The following RBM20 variants were observed in gnomAD, a reference collection of about 807,000 sequenced individuals.
RBM20 encodes RNA-binding protein 20.
A neutral mutation model predicts 110.1 loss-of-function variants in RBM20; 51 were observed. That is an observed-to-expected ratio of 0.46 (90% CI 0.37 to 0.59). RBM20 has a LOEUF of 0.59. Among genes scored for constraint, RBM20 ranks in the 20% least tolerant of loss-of-function variants. The probability of loss-of-function intolerance (pLI) is 0.00; values close to 1 mark genes in which losing one functional copy is unlikely to be tolerated. For synonymous variants in RBM20, 589 were observed against 618.2 expected, an observed-to-expected ratio of 0.95 and a Z score of 0.70; for missense variants, 1,512 against 1,574.9, an observed-to-expected ratio of 0.96 and a Z score of 0.68.
intron 1 of RBM20, among the ~76,000 whole-genome samples, chr10:110,724,433 C>T (rs1417337774): frequency 3.3e-5 from 5 of 152,160 alleles, no homozygotes; most frequent in African/African-American, 1.2e-4. Context: ...AAGATGTTTC[C>T]TGGGGCCTCA....
At chr10:110,811,214 C>T (rs1844763637) in intron 8 of RBM20, among the ~76,000 whole-genome samples, 1 of 152,120 alleles carries the variant, frequency 6.6e-6, no homozygotes, top group South Asian at 2.1e-4. Flanking sequence ...GTGTTTCCCC[C>T]ATGATGGTCA....
intron 5 of RBM20, among the ~76,000 whole-genome samples, chr10:110,789,684 A>C (rs1844461121): frequency 6.6e-6 from 1 of 152,050 alleles, no homozygotes; most frequent in East Asian, 1.9e-4. Context: ...TTTGACAGAG[A>C]CGGGACACTG....
At chr10:110,833,594 C>G (rs1266512009) in intron 13 of RBM20, among the ~76,000 whole-genome samples, 1 of 152,086 alleles carries the variant, frequency 6.6e-6, no homozygotes, top group South Asian at 2.1e-4. Flanking sequence ...TCAAGGTCAC[C>G]TCGGAAGTTA....
intron 1 of RBM20, among the ~76,000 whole-genome samples, chr10:110,779,225 C>T (rs1844305979): frequency 6.6e-6 from 1 of 152,164 alleles, no homozygotes; most frequent in South Asian, 2.1e-4. Flanking sequence ...GGACTTTCAG[C>T]CTCACCCCTA....
chr10:110,659,813 T>TC, intron 1 of RBM20, among the ~76,000 whole-genome samples: 1 of 136,892 alleles, frequency 7.3e-6, no homozygotes, highest in Non-Finnish European at 1.7e-5. Context: ...TTCCCCTTCC[T>TC]CTTCTTCCTC....
intron 1 of RBM20, among the ~76,000 whole-genome samples, chr10:110,688,029 GTGTGTGTA>G (rs1212533873): frequency 6.9e-6 from 1 of 145,554 alleles, no homozygotes. Flanking sequence ...GTGTGTGTGT[GTGTGTGTA>G]TGTGTGTGTA....
intron 1 of RBM20, among the ~76,000 whole-genome samples, chr10:110,698,636 G>T (rs994590570): frequency 1.3e-5 from 2 of 152,174 alleles, no homozygotes; most frequent in Non-Finnish European, 2.9e-5. Flanking sequence ...CGTGGAACTG[G>T]ATACAGAAGG....
In RBM20 at chr10:110,804,431, A is replaced by G. The variant is rs140915428; in HGVS notation, c.1800+4513A>G. ...CCAGGGTTTGCAGAGGTGGGGAGAA[A>G]TTCTGATTGCTCTTTCTCCTCTAAC... On this transcript the variant is annotated intron_variant, in intron 7 of 13. Coordinates refer to ENST00000369519, the MANE Select transcript of RBM20 (RefSeq NM_001134363.3). Among the ~76,000 whole-genome samples the G allele has an allele frequency of 9.5e-3, 1,444 of 152,310 alleles. 11 individuals carry two copies. Among genetic ancestry groups the G allele is most frequent in the Non-Finnish European group, 0.014 (979 of 68,032 alleles).
At chr10:110,665,885 A>C (rs1340820732) in intron 1 of RBM20, among the ~76,000 whole-genome samples, 2 of 151,612 alleles carry the variant, frequency 1.3e-5, no homozygotes, top group Non-Finnish European at 2.9e-5. Context: ...GGAGGCCAAG[A>C]TGGGCAGATC....
At chr10:110,801,342 G>A (rs1339049814) in intron 7 of RBM20, among the ~76,000 whole-genome samples, 3 of 151,724 alleles carry the variant, frequency 2.0e-5, no homozygotes, top group East Asian at 1.9e-4. Context: ...CAGGAGAATC[G>A]CTTTAACCTG....
rs74406174 is a variant in RBM20, at chr10:110,662,663, C to G, written c.191+18018C>G. ...TGACCAATCAATCCTATTATAGGAT[C>G]TATCCCAAGATACACACACAAAAAT... is the stretch of plus-strand genomic sequence containing the variant. On this transcript the variant is annotated intron_variant, in intron 1 of 13. Transcript: ENST00000369519. Among the ~76,000 whole-genome samples the G allele has an allele frequency of 4.6e-5, 7 of 152,342 alleles. No homozygotes were observed. The East Asian group carries it at 1.3e-3, about 29-fold the overall frequency.
chr10:110,834,019 A>G (rs149248279), intron 13 of RBM20, among the ~76,000 whole-genome samples: 159 of 152,268 alleles, frequency 1.0e-3, no homozygotes, highest in Non-Finnish European at 1.7e-3. Context: ...TCCTAAAGGC[A>G]GGGAGCAGGT....
intron 10 of RBM20, 66 bp from the exon 11 acceptor site, chr10:110,821,209 A>C (rs1844904248): frequency 1.1e-5 from 15 of 1,372,338 alleles, no homozygotes; most frequent in Middle Eastern, 1.8e-4. Context: ...CTTATGGCCA[A>C]GTCTTGTGCC....
intron 1 of RBM20, among the ~76,000 whole-genome samples, chr10:110,720,998 C>G (rs1843498507): frequency 6.6e-6 from 1 of 152,234 alleles, no homozygotes; most frequent in South Asian, 2.1e-4. Flanking sequence ...ATGACCTTCG[C>G]TCCCTGCTGC....
chr10:110,800,107 C>T (rs1433795240), intron 7 of RBM20, among the ~76,000 whole-genome samples, 189 bp downstream of exon 7: 1 of 152,132 alleles, frequency 6.6e-6, no homozygotes, highest in East Asian at 1.9e-4. Context: ...GAGGTAAATA[C>T]AAAGTGCAAA....
chr10:110,720,931 C>T (rs901966367), intron 1 of RBM20, among the ~76,000 whole-genome samples: 1 of 152,366 alleles, frequency 6.6e-6, no homozygotes, highest in South Asian at 2.1e-4. Flanking sequence ...CCTCTCACTT[C>T]ATTTCCCGTG....
intron 1 of RBM20, among the ~76,000 whole-genome samples, chr10:110,745,682 G>T (rs1437521182): frequency 1.3e-5 from 2 of 152,110 alleles, no homozygotes; most frequent in East Asian, 3.9e-4. Flanking sequence ...CCAATTCAAT[G>T]TCACATCCTT....
intron 1 of RBM20, among the ~76,000 whole-genome samples, chr10:110,672,144 G>A (rs1862269322): frequency 6.6e-6 from 1 of 152,154 alleles, no homozygotes; most frequent in Admixed American, 6.5e-5. Flanking sequence ...GGGCTTCAGG[G>A]AGCCGTCCCT....
chr10:110,702,809 T>A (rs1382564918), intron 1 of RBM20, among the ~76,000 whole-genome samples: 1 of 152,220 alleles, frequency 6.6e-6, no homozygotes, highest in African/African-American at 2.4e-5. Context: ...TTAACCACTC[T>A]GCACCTCAGT....
Sources: allele counts gnomAD v4.1 joint callset (sites outside exome capture counted in the v4.1 genomes callset), GRCh38; gene constraint gnomAD v4.1.1; transcripts MANE v1.5; gene names NCBI Gene and HGNC (gene_info 2026-07-23, HGNC 2026-07-21).